KNTC1: variants seen among roughly 807,000 people sequenced by gnomAD.
The protein encoded by KNTC1 is kinetochore-associated protein 1.
Under a neutral mutation model 314.4 loss-of-function variants are expected in KNTC1, and 253 were observed. That is an observed-to-expected ratio of 0.80 (90% CI 0.73 to 0.89). The LOEUF (loss-of-function observed/expected upper bound fraction) is 0.89, where lower values mean the gene tolerates loss of function less well. KNTC1 is among the 40% of genes least tolerant of loss of function. The probability of loss-of-function intolerance (pLI) is 0.00; values close to 1 mark genes in which losing one functional copy is unlikely to be tolerated. For synonymous variants in KNTC1, 901 were observed against 901.4 expected (o/e 1.00, Z 0.01); for missense variants, 2,475 against 2,572.9 (o/e 0.96, Z 0.82).
chr12:122,604,168 CTTTTTTTTTTTTT>C (rs1163057379), intron 48 of KNTC1, among the ~76,000 whole-genome samples: 6 of 100,362 alleles, frequency 6.0e-5, no homozygotes, highest in Admixed American at 2.1e-4. Flanking sequence ...CCCCGGTGGG[CTTTTTTTTTTTTT>C]TTTTTTTTTT....
At chr12:122,621,080 CAAG>C (rs1467597917) in intron 60 of KNTC1, among the ~76,000 whole-genome samples, 1 of 152,094 alleles carries the variant, frequency 6.6e-6, no homozygotes, top group East Asian at 1.9e-4. Flanking sequence ...TTGAACAAGA[CAAG>C]AAGGCTACAA....
At position 122,604,973 on chromosome 12, in the gene KNTC1, A is replaced by G. The variant is rs1052613813; in HGVS notation, c.5272A>G (p.Asn1758Asp). The G allele has an allele frequency of 2.5e-6, 4 of 1,612,858 alleles. No homozygotes were observed. Among genetic ancestry groups the G allele is most frequent in the Non-Finnish European group, 3.4e-6 (4 of 1,179,388 alleles). ...TEAVLIAHKLNTEEYLRVIGK... is the reference protein window; with the variant it reads ...TEAVLIAHKLDTEEYLRVIGK... ...AGCTGTGCTCATAGCCCACAAGCTG[A>G]ACACTGAGGAATATTTAAGAGTGAT... is the stretch of plus-strand genomic sequence containing the variant. The change falls in exon 50 of 64, where the codon AAC (asparagine) becomes GAC (aspartate). Residue 1758 changes from asparagine to aspartate, a missense_variant. Transcript: ENST00000333479.
At chr12:122,589,467 TTG>T (rs1869833590) in intron 40 of KNTC1, among the ~76,000 whole-genome samples, 1 of 134,370 alleles carries the variant, frequency 7.4e-6, no homozygotes, top group African/African-American at 3.0e-5. Context: ...TTTAAAAAAA[TTG>T]TGTTTTTTTT....
At chr12:122,530,324 T>A (rs1961212117) in intron 2 of KNTC1, 132 bp downstream of exon 2, 1 of 760,288 alleles carries the variant, frequency 1.3e-6, no homozygotes, top group Non-Finnish European at 2.1e-6. Context: ...AATCTCAGAT[T>A]GCTAGAAATT....
chr12:122,613,287 C>T, intron 54 of KNTC1, 57 bp downstream of exon 54: 1 of 1,188,902 alleles, frequency 8.4e-7, no homozygotes, highest in Admixed American at 1.8e-5. Context: ...TTTTTTGGAG[C>T]TGTACCTTTT....
chr12:122,568,458 A>G, intron 21 of KNTC1, 86 bp downstream of exon 21: 1 of 790,932 alleles, frequency 1.3e-6, no homozygotes, highest in Admixed American at 2.0e-5. Context: ...ACAAGGTGCA[A>G]GTCTGACTGG....
intron 54 of KNTC1, 171 bp from the exon 55 acceptor site, chr12:122,613,455 T>G: frequency 1.5e-6 from 1 of 672,940 alleles, no homozygotes; most frequent in South Asian, 2.2e-5. Flanking sequence ...GTTTTATTTA[T>G]CTTGTTCAAA....
At chr12:122,602,993 T>C in intron 47 of KNTC1, 34 bp from the exon 48 acceptor site, 1 of 1,588,800 alleles carries the variant, frequency 6.3e-7, no homozygotes. Context: ...TATGTGAATA[T>C]GTGCTTCAGC....
chr12:122,582,656 C>T, intron 33 of KNTC1, 49 bp from the exon 34 acceptor site: 1 of 1,447,966 alleles, frequency 6.9e-7, no homozygotes, highest in South Asian at 1.4e-5. Context: ...TTATTTTAAA[C>T]AATAGATTAA....
At chr12:122,565,047 TCTCA>T (rs1367000328) in intron 20 of KNTC1, among the ~76,000 whole-genome samples, 1 of 152,172 alleles carries the variant, frequency 6.6e-6, no homozygotes, top group African/African-American at 2.4e-5. Context: ...GGGCCCATTT[TCTCA>T]CTCATTCACC....
chr12:122,564,898 A>C (rs1193015116), intron 20 of KNTC1, among the ~76,000 whole-genome samples: 2 of 152,114 alleles, frequency 1.3e-5, no homozygotes, highest in African/African-American at 4.8e-5. Context: ...GTATACCTCT[A>C]ATTTTAAGTA....
At chr12:122,595,493 G>A (rs1269070761) in intron 43 of KNTC1, among the ~76,000 whole-genome samples, 1 of 152,184 alleles carries the variant, frequency 6.6e-6, no homozygotes, top group Non-Finnish European at 1.5e-5. Flanking sequence ...TGGAATCTGA[G>A]TTATTGAGAA....
At chr12:122,614,579 A>G (rs1020891662) in intron 55 of KNTC1, among the ~76,000 whole-genome samples, 11 of 152,080 alleles carry the variant, frequency 7.2e-5, no homozygotes, top group Non-Finnish European at 1.6e-4. Context: ...AGACATTCAC[A>G]GATTAGAAGC....
chr12:122,578,384 GGCATGCACCA>G (rs1307271888), intron 31 of KNTC1, among the ~76,000 whole-genome samples: 4 of 149,850 alleles, frequency 2.7e-5, no homozygotes, highest in Non-Finnish European at 1.5e-5. Context: ...TGGGATTACA[GGCATGCACCA>G]CCATGCTCAA....
chr12:122,589,331 A>G (rs982498051), intron 40 of KNTC1, among the ~76,000 whole-genome samples: 14 of 151,916 alleles, frequency 9.2e-5, no homozygotes, highest in Admixed American at 8.5e-4. Flanking sequence ...AAAAGATTCT[A>G]ATATTTTAAA....
chr12:122,580,512 G>C (rs1218223890), intron 32 of KNTC1, 91 bp from the exon 33 acceptor site: 1 of 746,990 alleles, frequency 1.3e-6, no homozygotes, highest in South Asian at 1.7e-5. Flanking sequence ...TGAGATGAGA[G>C]AACCAAAGCT....
intron 1 of KNTC1, among the ~76,000 whole-genome samples, chr12:122,527,909 T>G (rs1178019326): frequency 6.6e-6 from 1 of 152,222 alleles, no homozygotes; most frequent in Non-Finnish European, 1.5e-5. Context: ...CCTCACCTTA[T>G]CCATTTAATC....
At position 122,547,550 on chromosome 12, in the gene KNTC1, A is replaced by G. The variant is rs374963231; in HGVS notation, c.932+20A>G. The G allele has an allele frequency of 5.7e-6, 8 of 1,392,522 alleles. No individual in the cohort carries two copies. Among genetic ancestry groups the G allele is most frequent in the Non-Finnish European group, 7.1e-6 (7 of 981,890 alleles). 86.3% of individuals were successfully genotyped at this position (1,392,522 alleles called of 1,614,324 possible). On this transcript the variant is annotated intron_variant, in intron 11 of 63. Transcript: ENST00000333479. ...CACGTGGTATGTTATGACTATGGCT[A>G]GTAGTCATTTCCCTTCTGTTAGTAC... is the stretch of plus-strand genomic sequence containing the variant.
chr12:122,565,384 T>C (rs1284668375), intron 20 of KNTC1, among the ~76,000 whole-genome samples: 1 of 151,828 alleles, frequency 6.6e-6, no homozygotes, highest in Non-Finnish European at 1.5e-5. Context: ...CCTCCCAAAG[T>C]GCTGGGATTA....
Sources: gnomAD v4.1 joint callset for allele counts (sites outside exome capture counted in the v4.1 genomes callset) on GRCh38, gnomAD v4.1.1 for gene constraint, MANE v1.5 for transcripts, NCBI Gene and HGNC (gene_info 2026-07-23, HGNC 2026-07-21) for gene names.